Variants in SYTL3 observed in about 807,000 individuals in gnomAD.
SYTL3 encodes synaptotagmin-like protein 3.
SYTL3 carries 88 observed loss-of-function variants against 82.1 expected under a neutral mutation model. The observed-to-expected ratio is 1.07, with a 90% CI of 0.90 to 1.28. The LOEUF (loss-of-function observed/expected upper bound fraction) is 1.28, where lower values mean the gene tolerates loss of function less well. Among genes scored for constraint, SYTL3 ranks in the 50% most tolerant of loss-of-function variants. The pLI is 0.00. For synonymous variants in SYTL3, 311 were observed against 289.4 expected, an observed-to-expected ratio of 1.07 and a Z score of -0.76; for missense variants, 831 against 757.6, an observed-to-expected ratio of 1.10 and a Z score of -1.14.
intron 14 of SYTL3, 49 bp downstream of exon 14, chr6:158,757,430 T>G: frequency 1.3e-6 from 2 of 1,585,710 alleles, no homozygotes; most frequent in Non-Finnish European, 1.7e-6. Context: ...CTGTGATAGA[T>G]AAATAACTTT....
intron 5 of SYTL3, among the ~76,000 whole-genome samples, chr6:158,669,889 C>T (rs1468886906): frequency 6.6e-6 from 1 of 152,208 alleles, no homozygotes; most frequent in African/African-American, 2.4e-5. Context: ...ATCACATAAG[C>T]CCAGGAGTTT....
rs1480697811 is a variant in SYTL3, at chr6:158,760,637, C to T, written c.1309-3C>T. On this transcript the variant is annotated splice_region_variant and splice_polypyrimidine_tract_variant and intron_variant, in intron 14 of 17. Transcript: ENST00000611299. ...GTCCCTAAGCTCTGCCTCTTGTCCCCAGGCGGAGAAATACGAAGACAGCGT... is the reference window on the plus strand; with the variant it reads ...GTCCCTAAGCTCTGCCTCTTGTCCCTAGGCGGAGAAATACGAAGACAGCGT... 1.2e-6 allele frequency: 2 copies of T among 1,613,178 alleles called. No homozygotes were observed. Among genetic ancestry groups the T allele is most frequent in the Non-Finnish European group, 1.7e-6 (2 of 1,179,222 alleles).
chr6:158,716,153 A>G (rs1474068509), intron 9 of SYTL3, among the ~76,000 whole-genome samples: 1 of 152,210 alleles, frequency 6.6e-6, no homozygotes, highest in Non-Finnish European at 1.5e-5. Context: ...TTTCTAGAAG[A>G]TGTCAGCACT....
chr6:158,746,265 A>G lies in SYTL3; in HGVS notation c.1034+607A>G, dbSNP rs575649451. On this transcript the variant is annotated intron_variant, in intron 12 of 17. Transcript: ENST00000611299. The stretch of plus-strand genomic sequence containing the variant: ...GAATTGGTGAGCGAGGTGGACATAA[A>G]CATTCAGTTGTGGAGCTATTACAGA... Among the ~76,000 whole-genome samples the G allele has an allele frequency of 2.6e-5, 4 of 152,050 alleles. No homozygotes were observed. The East Asian group carries it at 7.7e-4, about 29-fold the overall frequency.
At chr6:158,659,094 C>A (rs1244085272) in intron 2 of SYTL3, among the ~76,000 whole-genome samples, 5 of 152,178 alleles carry the variant, frequency 3.3e-5, no homozygotes, top group Non-Finnish European at 5.9e-5. Flanking sequence ...ATCAAAGTCT[C>A]TAAAAGTGAA....
intron 16 of SYTL3, 107 bp from the exon 17 acceptor site, chr6:158,763,197 T>C: frequency 2.8e-6 from 3 of 1,060,414 alleles, no homozygotes; most frequent in Non-Finnish European, 4.3e-6. Flanking sequence ...GTGGATGTTG[T>C]GGACTTGGCA....
intron 6 of SYTL3, among the ~76,000 whole-genome samples, chr6:158,685,543 G>A (rs1779206185): frequency 6.6e-6 from 1 of 151,632 alleles, no homozygotes; most frequent in Non-Finnish European, 1.5e-5. Flanking sequence ...TTTTGACCGG[G>A]CCCGGTGGCT....
chr6:158,738,588 T>C (rs1786506711), intron 11 of SYTL3, among the ~76,000 whole-genome samples: 1 of 152,156 alleles, frequency 6.6e-6, no homozygotes, highest in African/African-American at 2.4e-5. Flanking sequence ...TCTCCTGTAA[T>C]AAAACACCTT....
At chr6:158,747,373 T>A (rs78550063) in intron 12 of SYTL3, among the ~76,000 whole-genome samples, 4 of 151,906 alleles carry the variant, frequency 2.6e-5, no homozygotes, top group African/African-American at 9.7e-5. Flanking sequence ...AATTTTTTTT[T>A]AAGAGACAGG....
chr6:158,682,856 T>A, intron 5 of SYTL3, 69 bp from the exon 6 acceptor site: 1 of 1,246,232 alleles, frequency 8.0e-7, no homozygotes, highest in Non-Finnish European at 1.2e-6. Flanking sequence ...ACCTAACCCT[T>A]AAAAGGGGTA....
chr6:158,757,155 T>A, intron 13 of SYTL3, 56 bp from the exon 14 acceptor site: 1 of 1,543,308 alleles, frequency 6.5e-7, no homozygotes, highest in South Asian at 1.2e-5. Flanking sequence ...GAGATGGGGA[T>A]CCTAGGAGTG....
At chr6:158,757,992 A>G in intron 14 of SYTL3, among the ~76,000 whole-genome samples, 1 of 151,862 alleles carries the variant, frequency 6.6e-6, no homozygotes, top group East Asian at 1.9e-4. Flanking sequence ...CGTGTCCCCC[A>G]GGCTATGCAG....
chr6:158,694,483 C>T (rs939527923), intron 6 of SYTL3, among the ~76,000 whole-genome samples: 4 of 151,838 alleles, frequency 2.6e-5, no homozygotes, highest in Non-Finnish European at 2.9e-5. Context: ...TTAGTAGAGA[C>T]GGGGTTTTGC....
rs555419348 is a variant in SYTL3, at chr6:158,718,174, G to A, written c.683G>A (p.Arg228Gln). ...PRQCVGQTER[R>Q]SQSDTAVNVT... The stretch of plus-strand genomic sequence containing the variant: ...CAGTGTGTGGGACAGACAGAGAGAC[G>A]GAGCCAGTCTGACACTGCGGTCAAC... The change falls in exon 10 of 18, where the codon CGG (arginine) becomes CAG (glutamine). Residue 228 changes from arginine to glutamine, a missense_variant. Arg to Gln is a conservative substitution (Grantham distance 43). Transcript: ENST00000611299. 5 of 1,544,416 alleles carry A rather than the reference G, an allele frequency of 3.2e-6. No individual in the cohort carries two copies. The South Asian group carries it at 3.6e-5, about 11-fold the overall frequency.
At chr6:158,679,814 C>A (rs563393212) in intron 5 of SYTL3, among the ~76,000 whole-genome samples, 1 of 152,326 alleles carries the variant, frequency 6.6e-6, no homozygotes, top group African/African-American at 2.4e-5. Context: ...TTCACTTAGG[C>A]ACTTTCACCT....
intron 10 of SYTL3, among the ~76,000 whole-genome samples, 198 bp from the exon 11 acceptor site, chr6:158,725,305 C>T (rs1341103465): frequency 1.3e-5 from 2 of 151,910 alleles, no homozygotes; most frequent in African/African-American, 2.4e-5. Flanking sequence ...TGCTCGCATG[C>T]GCGTGTGTGG....
chr6:158,764,374 T>C, intron 17 of SYTL3, 121 bp from the exon 18 acceptor site: 1 of 680,294 alleles, frequency 1.5e-6, no homozygotes, highest in Non-Finnish European at 2.6e-6. Context: ...TCATCAGTGG[T>C]TGGCCTTTTA....
At chr6:158,721,087 GGA>G (rs1491440786) in intron 10 of SYTL3, among the ~76,000 whole-genome samples, 20 of 152,284 alleles carry the variant, frequency 1.3e-4, no homozygotes, top group African/African-American at 4.1e-4. Context: ...GAGACAGTGG[GGA>G]GAGAGCCAAT....
chr6:158,662,971 A>G lies in SYTL3; in HGVS notation c.-298A>G. 3.7e-6 allele frequency: 1 copy of G among 269,252 alleles called. No individual in the cohort carries two copies. The highest frequency in any genetic ancestry group is 7.1e-6 in the Non-Finnish European group (1 of 141,830). The allele number at this position is 269,252 out of a possible 1,614,324, so 16.7% of individuals were successfully genotyped here. ...CAGAAAAGAGATATGCTTTTGTCTTAGATGGATGTCAGCAGCTGCTGCAGA... is the reference window on the plus strand; with the variant it reads ...CAGAAAAGAGATATGCTTTTGTCTTGGATGGATGTCAGCAGCTGCTGCAGA... On this transcript the variant is annotated 5_prime_UTR_variant, in exon 4 of 18. It removes the in-frame stop codon of an upstream open reading frame in the 5' UTR. Coordinates refer to ENST00000611299, the MANE Select transcript of SYTL3 (RefSeq NM_001242394.2).
Sources: gnomAD v4.1 joint callset for allele counts (sites outside exome capture counted in the v4.1 genomes callset) on GRCh38, gnomAD v4.1.1 for gene constraint, MANE v1.5 for transcripts, NCBI Gene and HGNC (gene_info 2026-07-23, HGNC 2026-07-21) for gene names.